Variants in IQCK observed in about 807,000 individuals in gnomAD.
IQCK encodes IQ domain-containing protein K.
IQCK carries 29 observed loss-of-function variants against 28.1 expected under a neutral mutation model. The ratio of observed to expected loss-of-function variants is 1.03; its 90% CI spans 0.77 to 1.41. IQCK has a LOEUF of 1.41. IQCK is among the 40% of genes most tolerant of loss of function. The pLI is 0.00. For missense variants in IQCK, 359 were observed against 314.7 expected (o/e 1.14, Z -1.07); for synonymous variants, 113 against 115.1 (o/e 0.98, Z 0.12).
At chr16:19,755,293 C>G (rs1286310795) in intron 4 of IQCK, among the ~76,000 whole-genome samples, 5 of 152,148 alleles carry the variant, frequency 3.3e-5, no homozygotes, top group Non-Finnish European at 4.4e-5. Flanking sequence ...GTGATTGAAC[C>G]AGGAATATGG....
intron 4 of IQCK, among the ~76,000 whole-genome samples, chr16:19,739,688 G>A (rs2054805263): frequency 6.6e-6 from 1 of 152,172 alleles, no homozygotes; most frequent in African/African-American, 2.4e-5. Context: ...GGTGGCACAT[G>A]CCTGTGGTTC....
intron 1 of IQCK, among the ~76,000 whole-genome samples, chr16:19,727,991 C>G (rs1365778623): frequency 6.6e-6 from 1 of 151,956 alleles, no homozygotes; most frequent in East Asian, 1.9e-4. Context: ...GAAGATTTTC[C>G]AGGTATGTTT....
intron 7 of IQCK, among the ~76,000 whole-genome samples, chr16:19,810,760 C>T (rs1033417115): frequency 6.7e-5 from 10 of 150,188 alleles, no homozygotes; most frequent in East Asian, 3.9e-4. Flanking sequence ...GAGCCAAGAT[C>T]GTGCCACTGC....
chr16:19,823,831 G>T (rs1189006496), intron 7 of IQCK, among the ~76,000 whole-genome samples: 1 of 152,164 alleles, frequency 6.6e-6, no homozygotes, highest in Non-Finnish European at 1.5e-5. Context: ...TACTCGTGAG[G>T]CTGAGGCAGC....
At chr16:19,718,418 G>C (rs545651391) in exon 1 of IQCK, 1 of 1,606,324 alleles carries the variant, frequency 6.2e-7, no homozygotes, top group African/African-American at 1.3e-5. Context: ...CGCGTCCCGC[G>C]AGCTGCCTGT....
At chr16:19,767,850 A>G (rs997454663) in intron 6 of IQCK, among the ~76,000 whole-genome samples, 12 of 151,940 alleles carry the variant, frequency 7.9e-5, no homozygotes, top group Non-Finnish European at 1.6e-4. Context: ...ACTGCACGCC[A>G]GCCTGGGTGA....
intron 1 of IQCK, among the ~76,000 whole-genome samples, chr16:19,720,958 C>T (rs1267571299): frequency 6.6e-6 from 1 of 151,630 alleles, no homozygotes; most frequent in Non-Finnish European, 1.5e-5. Flanking sequence ...GTTGCAATGA[C>T]CTGAGATCGT....
intron 2 of IQCK, among the ~76,000 whole-genome samples, chr16:19,732,885 G>C (rs888177461): frequency 1.3e-5 from 2 of 152,180 alleles, no homozygotes; most frequent in African/African-American, 4.8e-5. Context: ...TGGAGATCCA[G>C]CTGGTGTGAA....
intron 9 of IQCK, among the ~76,000 whole-genome samples, chr16:19,849,807 AGAAAG>A (rs1471660481): frequency 6.6e-6 from 1 of 152,056 alleles, no homozygotes; most frequent in Non-Finnish European, 1.5e-5. Flanking sequence ...ATGAAAGAAA[AGAAAG>A]GAAGGCAGGG....
intron 7 of IQCK, among the ~76,000 whole-genome samples, chr16:19,813,454 G>T (rs2055934089): frequency 7.8e-6 from 1 of 128,808 alleles, no homozygotes; most frequent in Non-Finnish European, 1.5e-5. Flanking sequence ...GGAAAGCAAT[G>T]AGATGATTAT....
chr16:19,731,377 G>C (rs1235013043), intron 2 of IQCK, among the ~76,000 whole-genome samples: 1 of 152,180 alleles, frequency 6.6e-6, no homozygotes, highest in Admixed American at 6.5e-5. Flanking sequence ...CCTGTTTCTC[G>C]ACTTCTATTA....
chr16:19,785,039 G>C (rs796580334), intron 6 of IQCK, among the ~76,000 whole-genome samples: 1 of 152,222 alleles, frequency 6.6e-6, no homozygotes, highest in East Asian at 1.9e-4. Flanking sequence ...AAAGTGCTGG[G>C]ATTACAGGCC....
chr16:19,775,362 ACATAAGCAGCT>A (rs1567552527), intron 6 of IQCK, among the ~76,000 whole-genome samples: 2 of 152,180 alleles, frequency 1.3e-5, no homozygotes, highest in African/African-American at 4.8e-5. Context: ...ACCCCTCATA[ACATAAGCAGCT>A]CATAAGGCAA....
intron 4 of IQCK, among the ~76,000 whole-genome samples, chr16:19,756,259 T>C (rs148010321): frequency 1.3e-5 from 2 of 152,342 alleles, no homozygotes; most frequent in African/African-American, 4.8e-5. Context: ...TACAGGCTGC[T>C]CTGTCAGCCT....
chr16:19,777,759 A>G (rs2055414825), intron 6 of IQCK, among the ~76,000 whole-genome samples: 1 of 152,094 alleles, frequency 6.6e-6, no homozygotes, highest in Non-Finnish European at 1.5e-5. Context: ...CTGTTTAAGA[A>G]CCAGTTCAGG....
At chr16:19,744,969 C>T (rs946720314) in intron 4 of IQCK, among the ~76,000 whole-genome samples, 3 of 152,158 alleles carry the variant, frequency 2.0e-5, no homozygotes, top group African/African-American at 7.2e-5. Flanking sequence ...TAACAGAATG[C>T]AGATAATAGT....
chr16:19,828,577 A>G (rs1339582398), downstream of IQCK, among the ~76,000 whole-genome samples: 3 of 151,956 alleles, frequency 2.0e-5, no homozygotes, highest in African/African-American at 7.2e-5. Context: ...TTGCAGAACT[A>G]TAAGTTTTTA....
chr16:19,748,859 T>C (rs2151697079), intron 4 of IQCK, among the ~76,000 whole-genome samples: 1 of 152,160 alleles, frequency 6.6e-6, no homozygotes, highest in South Asian at 2.1e-4. Flanking sequence ...CCTCCTAGAA[T>C]TAAGCAACTG....
chr16:19,748,528 AAG>A (rs2054944122), intron 4 of IQCK, among the ~76,000 whole-genome samples: 1 of 152,216 alleles, frequency 6.6e-6, no homozygotes, highest in Non-Finnish European at 1.5e-5. Context: ...AGCAAAACTT[AAG>A]AGTGTCTGGC....
Sources: allele counts gnomAD v4.1 joint callset (sites outside exome capture counted in the v4.1 genomes callset), GRCh38; gene constraint gnomAD v4.1.1; transcripts MANE v1.5; gene names NCBI Gene and HGNC (gene_info 2026-07-23, HGNC 2026-07-21).